Variants in C12orf42 observed in about 807,000 individuals in gnomAD.
C12orf42 encodes chromosome 12 open reading frame 42, also known as uncharacterized protein C12orf42.
Under a neutral mutation model 21.6 loss-of-function variants are expected in C12orf42, and 25 were observed. That is an observed-to-expected ratio of 1.16 (90% CI 0.84 to 1.62). The LOEUF (loss-of-function observed/expected upper bound fraction) is 1.62, where lower values mean the gene tolerates loss of function less well. Among genes scored for constraint, C12orf42 ranks in the 40% most tolerant of loss-of-function variants. C12orf42 has a pLI of 0.00. For missense variants in C12orf42, 483 were observed against 459.3 expected (o/e 1.05, Z -0.47); for synonymous variants, 174 against 175.0 (o/e 0.99, Z 0.05).
chr12:103,285,691 T>C (rs2136331716), intron 4 of C12orf42, among the ~76,000 whole-genome samples: 1 of 152,340 alleles, frequency 6.6e-6, no homozygotes, highest in East Asian at 1.9e-4. Context: ...GGATGTATAG[T>C]CTGATGCCAA....
At chr12:103,091,996 A>G in the C12orf42 span, among the ~76,000 whole-genome samples, 2 of 152,206 alleles carry the variant, frequency 1.3e-5, no homozygotes, top group African/African-American at 4.8e-5. Flanking sequence ...TGTGGTGGTA[A>G]CTGATCACAG....
intron 10 of C12orf42, among the ~76,000 whole-genome samples, chr12:103,257,723 A>C (rs985941879): frequency 6.6e-6 from 1 of 151,972 alleles, no homozygotes; most frequent in Non-Finnish European, 1.5e-5. Context: ...ACAAATACAA[A>C]AATAGCAAAG....
chr12:103,522,072 A>G, the C12orf42 span, among the ~76,000 whole-genome samples: 1 of 152,054 alleles, frequency 6.6e-6, no homozygotes, highest in African/African-American at 2.4e-5. Context: ...CCCCACCCAA[A>G]TCTCACCTTG....
intron 2 of C12orf42, among the ~76,000 whole-genome samples, chr12:103,428,484 C>A (rs574331448): frequency 1.3e-5 from 2 of 152,138 alleles, no homozygotes; most frequent in East Asian, 3.9e-4. Context: ...AATAGCCTAA[C>A]AACAAAAAGA....
chr12:103,432,287 G>A (rs1344790353), intron 2 of C12orf42, among the ~76,000 whole-genome samples: 1 of 152,148 alleles, frequency 6.6e-6, no homozygotes, highest in Non-Finnish European at 1.5e-5. Flanking sequence ...ATCAGCCTTA[G>A]GTGTTTCTAA....
At chr12:103,156,739 T>C in the C12orf42 span, among the ~76,000 whole-genome samples, 1 of 152,134 alleles carries the variant, frequency 6.6e-6, no homozygotes, top group Non-Finnish European at 1.5e-5. Context: ...GGTTCTCTTT[T>C]TCTGTGTTAG....
chr12:103,560,145 CTGG>C, the C12orf42 span, among the ~76,000 whole-genome samples: 32 of 152,294 alleles, frequency 2.1e-4, no homozygotes, highest in African/African-American at 7.2e-4. Context: ...GTTAAATATA[CTGG>C]TCATTAATGT....
intron 4 of C12orf42, among the ~76,000 whole-genome samples, chr12:103,294,636 G>GAAAGAAAGAAAGAA (rs1480779632): frequency 6.9e-6 from 1 of 144,190 alleles, no homozygotes; most frequent in Non-Finnish European, 1.5e-5. Context: ...AAGAAAGAAA[G>GAAAGAAAGAAAGAA]AAGGAAAAGA....
At chr12:103,459,117 A>G (rs1289144898) in intron 2 of C12orf42, among the ~76,000 whole-genome samples, 2 of 152,178 alleles carry the variant, frequency 1.3e-5, no homozygotes, top group Admixed American at 6.5e-5. Flanking sequence ...GGAGTCCTCA[A>G]GCTAAAGTTG....
chr12:103,209,452 CAA>C, the C12orf42 span, among the ~76,000 whole-genome samples: 1 of 152,192 alleles, frequency 6.6e-6, no homozygotes, highest in African/African-American at 2.4e-5. Flanking sequence ...ACCTTTTCAG[CAA>C]AGTTTCCTTC....
chr12:103,256,157 CACATATATATACACATATATAT>C (rs1165809854), intron 10 of C12orf42, among the ~76,000 whole-genome samples: 114 of 125,492 alleles, frequency 9.1e-4, no homozygotes, highest in Middle Eastern at 4.8e-3. Context: ...TATATATACA[CACATATATATACACATATATAT>C]ACATATATAT....
chr12:103,494,295 CAG>C (rs1259488625), intron 1 of C12orf42, among the ~76,000 whole-genome samples: 1 of 152,176 alleles, frequency 6.6e-6, no homozygotes, highest in African/African-American at 2.4e-5. Flanking sequence ...TAAACCTGTT[CAG>C]AGAGTGCTCC....
intron 3 of C12orf42, among the ~76,000 whole-genome samples, chr12:103,379,793 T>C (rs2046009461): frequency 6.6e-6 from 1 of 152,228 alleles, no homozygotes; most frequent in Non-Finnish European, 1.5e-5. Flanking sequence ...TTCAAACCAC[T>C]GACCATGGAA....
chr12:103,253,608 G>T (rs535939898), intron 10 of C12orf42, among the ~76,000 whole-genome samples: 4 of 152,160 alleles, frequency 2.6e-5, no homozygotes, highest in South Asian at 2.1e-4. Flanking sequence ...CTCTCTGCTT[G>T]TCTACATTTG....
At chr12:103,086,781 T>C in the C12orf42 span, among the ~76,000 whole-genome samples, 1 of 152,070 alleles carries the variant, frequency 6.6e-6, no homozygotes, top group Non-Finnish European at 1.5e-5. Context: ...CTAGGAAGCC[T>C]TCTCAGTCTT....
chr12:103,386,934 C>T (rs992038589), intron 3 of C12orf42, among the ~76,000 whole-genome samples: 1 of 152,190 alleles, frequency 6.6e-6, no homozygotes, highest in Non-Finnish European at 1.5e-5. Flanking sequence ...CCCGTTAAAC[C>T]AAAGTCACAT....
At chr12:103,413,020 A>G (rs1411920759) in intron 2 of C12orf42, among the ~76,000 whole-genome samples, 1 of 152,184 alleles carries the variant, frequency 6.6e-6, no homozygotes, top group Non-Finnish European at 1.5e-5. Context: ...AACTTAGCCA[A>G]AACTTATTTG....
At chr12:103,467,692 T>C (rs1953256614) in intron 2 of C12orf42, among the ~76,000 whole-genome samples, 1 of 152,208 alleles carries the variant, frequency 6.6e-6, no homozygotes, top group African/African-American at 2.4e-5. Flanking sequence ...ACTCAAAGCA[T>C]TAACAAGATC....
chr12:103,063,402 A>C, the C12orf42 span, among the ~76,000 whole-genome samples: 1 of 152,168 alleles, frequency 6.6e-6, no homozygotes, highest in Non-Finnish European at 1.5e-5. Flanking sequence ...ATTGATTGAA[A>C]AAGAATGGGA....
Sources: allele counts gnomAD v4.1 joint callset (sites outside exome capture counted in the v4.1 genomes callset), GRCh38; gene constraint gnomAD v4.1.1; transcripts MANE v1.5; gene names NCBI Gene and HGNC (gene_info 2026-07-23, HGNC 2026-07-21).